GPD1L: variants seen among roughly 807,000 people sequenced by gnomAD.
The protein encoded by GPD1L is glycerol-3-phosphate dehydrogenase 1-like protein.
GPD1L carries 17 observed loss-of-function variants against 32.9 expected under a neutral mutation model. The ratio of observed to expected loss-of-function variants is 0.52; its 90% CI spans 0.35 to 0.78. The LOEUF (loss-of-function observed/expected upper bound fraction) is 0.78, where lower values mean the gene tolerates loss of function less well. Ranked by LOEUF, GPD1L falls within the 30% of genes least tolerant of loss-of-function variation. GPD1L has a pLI of 0.01. For synonymous variants in GPD1L, 187 were observed against 165.9 expected (o/e 1.13, Z -0.98); for missense variants, 361 against 447.8 (o/e 0.81, Z 1.75).
At chr3:32,141,128 T>C (rs1287310581) in intron 4 of GPD1L, among the ~76,000 whole-genome samples, 2 of 152,224 alleles carry the variant, frequency 1.3e-5, no homozygotes, top group African/African-American at 4.8e-5. Context: ...GCAAGCAATA[T>C]GAATCATTTC....
intron 1 of GPD1L, among the ~76,000 whole-genome samples, chr3:32,116,997 A>G (rs1035744944): frequency 2.6e-5 from 4 of 152,242 alleles, no homozygotes; most frequent in African/African-American, 7.2e-5. Context: ...CCCACTTGAA[A>G]TGTGGCTATT....
chr3:32,146,368 G>C (rs1700825794), intron 4 of GPD1L, among the ~76,000 whole-genome samples: 1 of 152,100 alleles, frequency 6.6e-6, no homozygotes, highest in Non-Finnish European at 1.5e-5. Flanking sequence ...TTACAGGTGT[G>C]AGTCATCGTG....
chr3:32,141,557 T>A (rs1194271695), intron 4 of GPD1L, among the ~76,000 whole-genome samples: 1 of 152,202 alleles, frequency 6.6e-6, no homozygotes, highest in African/African-American at 2.4e-5. Flanking sequence ...TACAAAACTT[T>A]TTTTTGAAAA....
In GPD1L at chr3:32,166,289, C is replaced by G. The variant is rs1201011532; in HGVS notation, c.*379C>G. 3.3e-6 allele frequency: 1 copy of G among 300,808 alleles called. No individual in the cohort carries two copies. The highest frequency in any genetic ancestry group is 5.0e-5 in the Admixed American group (1 of 20,006). 18.6% of individuals were successfully genotyped at this position (300,808 alleles called of 1,614,324 possible). The stretch of plus-strand genomic sequence containing the variant: ...TGTATTTGAGTGGAGGATTTTTTTT[C>G]TCATTTTTCTAGTGTTAAATTTTAA... On this transcript the variant is annotated 3_prime_UTR_variant, in exon 8 of 8. Coordinates refer to ENST00000282541, the MANE Select transcript of GPD1L (RefSeq NM_015141.4).
At chr3:32,131,345 T>C (rs1173962182) in intron 2 of GPD1L, among the ~76,000 whole-genome samples, 1 of 152,212 alleles carries the variant, frequency 6.6e-6, no homozygotes, top group Non-Finnish European at 1.5e-5. Context: ...CTGCCATCAA[T>C]TTTAACACAT....
At chr3:32,154,268 A>G (rs1700958523) in intron 5 of GPD1L, among the ~76,000 whole-genome samples, 1 of 152,158 alleles carries the variant, frequency 6.6e-6, no homozygotes, top group African/African-American at 2.4e-5. Flanking sequence ...AAAAGCTTCT[A>G]GTAGAAGCTT....
rs1042968411 is a variant in GPD1L at position 32,106,644 on chromosome 3, G to A, written c.-68G>A. ...GGCCGCCGCCAGCCGCTGCGGGCAAGGCTGAACAGGCGGAGGTGGGCAGCC... is the reference window on the plus strand; with the variant it reads ...GGCCGCCGCCAGCCGCTGCGGGCAAAGCTGAACAGGCGGAGGTGGGCAGCC... On this transcript the variant is annotated 5_prime_UTR_variant, in exon 1 of 8. Transcript: ENST00000282541. This position sits in a 1 kb window ranked among gnomAD's most constrained non-coding sequence, Gnocchi z 4.0. 2.1e-6 allele frequency: 3 copies of A among 1,429,960 alleles called. No homozygotes were observed. Among genetic ancestry groups the A allele is most frequent in the African/African-American group, 2.9e-5 (2 of 68,472 alleles). 88.6% of individuals were successfully genotyped at this position (1,429,960 alleles called of 1,614,324 possible).
chr3:32,156,251 G>C lies in GPD1L; in HGVS notation c.619-2625G>C, dbSNP rs77646307. ...ATGAAACCTATAGTTCGCATAGCCT[G>C]TGTGGTAGGAAGAGGCTGAGAAGCT... On this transcript the variant is annotated intron_variant, in intron 5 of 7. Coordinates refer to ENST00000282541, the MANE Select transcript of GPD1L (RefSeq NM_015141.4). Among the ~76,000 whole-genome samples the C allele has an allele frequency of 0.023, 3,561 of 152,314 alleles. 307 individuals are homozygous for C. In the East Asian group the frequency reaches 0.25, roughly 11 times the overall value.
intron 1 of GPD1L, among the ~76,000 whole-genome samples, chr3:32,114,062 C>T (rs774162066): frequency 6.6e-4 from 100 of 152,128 alleles, no homozygotes; most frequent in Non-Finnish European, 1.3e-3. Context: ...ACTATGTTGC[C>T]CAAGCTGATT....
intron 1 of GPD1L, among the ~76,000 whole-genome samples, chr3:32,121,391 C>T (rs59273155): frequency 0.11 from 14,775 of 139,212 alleles, 1,616 homozygotes; most frequent in African/African-American, 0.25. Flanking sequence ...GCCTCCTCCC[C>T]GGGTAAGGCC....
At chr3:32,159,156 A>T (rs1701041863) in intron 6 of GPD1L, 47 bp downstream of exon 6, 1 of 1,428,250 alleles carries the variant, frequency 7.0e-7, no homozygotes, top group Non-Finnish European at 9.8e-7. Context: ...CTCACTTGAG[A>T]CTCCTGGCTT....
intron 1 of GPD1L, among the ~76,000 whole-genome samples, chr3:32,108,728 C>A (rs1029726611): frequency 2.0e-5 from 3 of 152,214 alleles, no homozygotes; most frequent in African/African-American, 7.2e-5. Context: ...GTATTGCATA[C>A]TTTTCTGTGA....
At chr3:32,121,741 A>G (rs1484875181) in intron 1 of GPD1L, among the ~76,000 whole-genome samples, 1 of 134,212 alleles carries the variant, frequency 7.5e-6, no homozygotes, top group Non-Finnish European at 1.5e-5. Context: ...ATATTTCTAT[A>G]TATATATTTC....
At chr3:32,134,723 A>G (rs566302956) in intron 2 of GPD1L, among the ~76,000 whole-genome samples, 1 of 152,332 alleles carries the variant, frequency 6.6e-6, no homozygotes, top group Non-Finnish European at 1.5e-5. Flanking sequence ...CCTGGGCTCA[A>G]GCAGTCCTCC....
chr3:32,139,426 C>G (rs1223156397), intron 3 of GPD1L, among the ~76,000 whole-genome samples: 1 of 152,120 alleles, frequency 6.6e-6, no homozygotes, highest in Admixed American at 6.5e-5. Context: ...ATTAATAAAA[C>G]AGTGCATATA....
In GPD1L at chr3:32,140,298, T is replaced by C. The variant is rs1700724339; in HGVS notation, c.437T>C (p.Ile146Thr). 2 of 1,614,120 alleles carry C rather than the reference T, an allele frequency of 1.2e-6. No homozygotes were observed. Among genetic ancestry groups the C allele is most frequent in the Non-Finnish European group, 1.7e-6 (2 of 1,179,974 alleles). ...ATCCGTGAGAAGATGGGTATTGACA[T>C]CAGTGTGCTGATGGGAGCCAACATT... ...DIIREKMGID[I>T]SVLMGANIAN... The change falls in exon 4 of 8, where the codon ATC becomes ACC. Residue 146 changes from isoleucine (I) to threonine (T), a missense_variant. Physicochemically the swap from Ile to Thr is moderately conservative, Grantham distance 89. Coordinates refer to ENST00000282541, the MANE Select transcript of GPD1L (RefSeq NM_015141.4).
chr3:32,117,077 T>C (rs1212118963), intron 1 of GPD1L, among the ~76,000 whole-genome samples: 1 of 152,366 alleles, frequency 6.6e-6, no homozygotes, highest in East Asian at 1.9e-4. Context: ...AGTGGAGCTC[T>C]ACATACTTAT....
rs58722314 is a variant in GPD1L, at chr3:32,123,839, T to TAGATAGATAGATAGACAGAC, written c.48-4234_48-4233insTAGATAGATAGACAGACAGA. 2.6e-3 allele frequency among the ~76,000 whole-genome samples: 350 copies of TAGATAGATAGATAGACAGAC among 134,570 alleles called. 1 individual carries two copies. The highest frequency in any genetic ancestry group is 0.011 in the Middle Eastern group (3 of 278). The allele number at this position is 134,570 out of a possible 152,430, so 88.3% of individuals were successfully genotyped here. ...ATAGATAGATAGATAGATAGATAGA[T>TAGATAGATAGATAGACAGAC]AGACAGACAGATAAGACCCATGCCT... On this transcript the variant is annotated intron_variant, in intron 1 of 7. Coordinates refer to ENST00000282541, the MANE Select transcript of GPD1L (RefSeq NM_015141.4).
chr3:32,122,248 A>T (rs1700433934), intron 1 of GPD1L, among the ~76,000 whole-genome samples: 1 of 148,370 alleles, frequency 6.7e-6, no homozygotes, highest in Admixed American at 6.6e-5. Flanking sequence ...TCTACACTAC[A>T]ATAGGGCAAA....
Sources: gnomAD v4.1 joint callset for allele counts (sites outside exome capture counted in the v4.1 genomes callset) on GRCh38, gnomAD v4.1.1 for gene constraint, Gnocchi (gnomAD v3.1) non-coding constraint, MANE v1.5 for transcripts, NCBI Gene and HGNC (gene_info 2026-07-23, HGNC 2026-07-21) for gene names.